Variants in SDK1 observed in about 807,000 individuals in gnomAD.
SDK1 encodes protein sidekick-1.
A neutral mutation model predicts 245.5 loss-of-function variants in SDK1; 157 were observed. That is an observed-to-expected ratio of 0.64 (90% confidence interval 0.56 to 0.73). The LOEUF is 0.73. Ranked by LOEUF, SDK1 falls within the 30% of genes least tolerant of loss-of-function variation. SDK1 has a pLI of 0.00. For synonymous variants in SDK1, 1,647 were observed against 1,278.5 expected (o/e 1.29, Z -6.15); for missense variants, 3,583 against 3,002.3 (o/e 1.19, Z -4.52).
chr7:3,999,656 G>A (rs1296779208), intron 14 of SDK1, among the ~76,000 whole-genome samples: 2 of 152,220 alleles, frequency 1.3e-5, no homozygotes, highest in South Asian at 2.1e-4. Flanking sequence ...GAGTGAATTC[G>A]TAAGAGCAGA....
chr7:4,234,395 C>G (rs1000980144), intron 41 of SDK1, among the ~76,000 whole-genome samples: 10 of 152,256 alleles, frequency 6.6e-5, no homozygotes, highest in African/African-American at 2.4e-4. Context: ...AGATGACAGA[C>G]ATGTCTGCAG....
intron 4 of SDK1, among the ~76,000 whole-genome samples, chr7:3,770,700 A>G (rs1405624760): frequency 1.3e-5 from 2 of 151,210 alleles, no homozygotes; most frequent in Non-Finnish European, 3.0e-5. Context: ...GGGAAGGAAC[A>G]TCCTTCTGTC....
intron 37 of SDK1, among the ~76,000 whole-genome samples, chr7:4,209,694 C>T (rs1033214405): frequency 6.6e-6 from 1 of 152,188 alleles, no homozygotes; most frequent in African/African-American, 2.4e-5. Context: ...TGGAATCCTC[C>T]AGCAGTTGCT....
chr7:3,843,196 C>T (rs998455419), intron 5 of SDK1, among the ~76,000 whole-genome samples: 1 of 152,164 alleles, frequency 6.6e-6, no homozygotes, highest in African/African-American at 2.4e-5. Context: ...AGCATGAAGC[C>T]TCGTGGTAAC....
At chr7:3,707,860 A>G (rs959932723) in intron 4 of SDK1, among the ~76,000 whole-genome samples, 7 of 152,252 alleles carry the variant, frequency 4.6e-5, no homozygotes, top group Non-Finnish European at 1.0e-4. Flanking sequence ...TTTATGTGAT[A>G]TAAGAATAGC....
chr7:3,929,278 A>G (rs1232723236), intron 5 of SDK1, among the ~76,000 whole-genome samples: 2 of 152,164 alleles, frequency 1.3e-5, no homozygotes, highest in African/African-American at 4.8e-5. Flanking sequence ...TGATCTACAG[A>G]TTCCTCGGTG....
chr7:3,821,430 C>G lies in SDK1; in HGVS notation c.714-20C>G, dbSNP rs1424078938. 1 of 1,610,032 alleles carries G rather than the reference C, an allele frequency of 6.2e-7. No individual in the cohort carries two copies. The highest frequency in any genetic ancestry group is 8.5e-7 in the Non-Finnish European group (1 of 1,178,414). ...TTCCCTGGAGTAGCTTTGACACTGT[C>G]CTCTTCTTTTCTGAAACAGAGCCAT... On this transcript the variant is annotated intron_variant, in intron 4 of 44. Coordinates refer to ENST00000404826, the MANE Select transcript of SDK1 (RefSeq NM_152744.4).
intron 5 of SDK1, among the ~76,000 whole-genome samples, chr7:3,893,485 C>T (rs2128102697): frequency 6.6e-6 from 1 of 152,152 alleles, no homozygotes; most frequent in East Asian, 1.9e-4. Flanking sequence ...CAGTTGGCAG[C>T]TCCTCAGGTA....
At chr7:3,908,476 C>T (rs947252640) in intron 5 of SDK1, among the ~76,000 whole-genome samples, 12 of 152,176 alleles carry the variant, frequency 7.9e-5, no homozygotes, top group African/African-American at 2.7e-4. Context: ...CACTCAGCTG[C>T]GTCCAGGATT....
rs374443178 is a variant in SDK1 at position 3,305,636 on chromosome 7, A to G, written c.298+3752A>G. On this transcript the variant is annotated intron_variant, in intron 1 of 44. Transcript: ENST00000404826. Reference sequence around the variant, plus strand: ...GAGTTTCAACTGGAACTTGAGTTCTAGACTCCCTTACTTGAATATCATCTT... The same window carrying G: ...GAGTTTCAACTGGAACTTGAGTTCTGGACTCCCTTACTTGAATATCATCTT... Among the ~76,000 whole-genome samples, 49 of 152,322 alleles carry G rather than the reference A, an allele frequency of 3.2e-4. No individual in the cohort carries two copies. In the East Asian group the frequency reaches 8.5e-3, roughly 26 times the overall value.
At chr7:4,067,347 C>T (rs760641220) in intron 19 of SDK1, among the ~76,000 whole-genome samples, 1 of 152,178 alleles carries the variant, frequency 6.6e-6, no homozygotes, top group Non-Finnish European at 1.5e-5. Flanking sequence ...TGGAATCCTT[C>T]AGGATACCGA....
chr7:4,161,694 A>C, intron 31 of SDK1, 92 bp from the exon 32 acceptor site: 1 of 1,004,250 alleles, frequency 1.0e-6, no homozygotes, highest in Admixed American at 1.8e-5. Context: ...AGGGCTCACC[A>C]GCCTCCCCAT....
At chr7:4,083,745 C>CTTTACTTCCTCCCTTCCTT (rs1562785267) in intron 22 of SDK1, among the ~76,000 whole-genome samples, 1 of 7,306 alleles carries the variant, frequency 1.4e-4, no homozygotes, top group Non-Finnish European at 2.2e-4. Flanking sequence ...TCCCTCCCTT[C>CTTTACTTCCTCCCTTCCTT]CTTTACTTCC....
At chr7:3,440,418 A>G (rs922163375) in intron 1 of SDK1, among the ~76,000 whole-genome samples, 1 of 152,042 alleles carries the variant, frequency 6.6e-6, no homozygotes, top group Admixed American at 6.6e-5. Flanking sequence ...AGTTAAACAG[A>G]TGTGTAGGTT....
At chr7:3,318,440 G>A (rs1195515206) in intron 1 of SDK1, among the ~76,000 whole-genome samples, 2 of 152,192 alleles carry the variant, frequency 1.3e-5, no homozygotes, top group Non-Finnish European at 2.9e-5. Flanking sequence ...AGGAGATAAT[G>A]TATGTAAAGT....
intron 1 of SDK1, among the ~76,000 whole-genome samples, chr7:3,457,618 T>A (rs989419737): frequency 6.6e-6 from 1 of 152,216 alleles, no homozygotes; most frequent in Non-Finnish European, 1.5e-5. Flanking sequence ...ATCTCTAAAC[T>A]GTATGAATTT....
chr7:3,515,674 CAT>C lies in SDK1; in HGVS notation c.299-103402_299-103401del, dbSNP rs538902670. Among the ~76,000 whole-genome samples, 13 of 152,260 alleles carry C rather than the reference CAT, an allele frequency of 8.5e-5. No homozygotes were observed. In the South Asian group the frequency reaches 1.2e-3, roughly 15 times the overall value. On this transcript the variant is annotated intron_variant, in intron 1 of 44. Transcript: ENST00000404826. Reference sequence around the variant, plus strand: ...TAGTATTTGGAAGTCATTTCAGAATCATATAAGGAGGTTAGCCAAAGAGAAAT... The same window carrying C: ...TAGTATTTGGAAGTCATTTCAGAATCATAAGGAGGTTAGCCAAAGAGAAAT...
intron 35 of SDK1, among the ~76,000 whole-genome samples, chr7:4,203,596 A>G (rs1784017772): frequency 6.6e-6 from 1 of 151,832 alleles, no homozygotes; most frequent in Non-Finnish European, 1.5e-5. Context: ...CTAAGGTGGG[A>G]AAACAAAAAA....
intron 44 of SDK1, among the ~76,000 whole-genome samples, chr7:4,254,398 T>TTGAGCCTATCTAA (rs1787505811): frequency 6.6e-6 from 1 of 152,216 alleles, no homozygotes; most frequent in Admixed American, 6.5e-5. Flanking sequence ...AAGTCTACTA[T>TTGAGCCTATCTAA]TGAGCCTATC....
Sources: gnomAD v4.1 joint callset for allele counts (sites outside exome capture counted in the v4.1 genomes callset) on GRCh38, gnomAD v4.1.1 for gene constraint, MANE v1.5 for transcripts, NCBI Gene and HGNC (gene_info 2026-07-23, HGNC 2026-07-21) for gene names.